Variants in NF1 observed in about 807,000 individuals in gnomAD.
NF1 encodes the protein neurofibromin 1, also known as neurofibromin.
A neutral mutation model predicts 325.7 loss-of-function variants in NF1; 122 were observed. The observed-to-expected ratio is 0.37, with a 90% CI of 0.32 to 0.44. The LOEUF is 0.44. NF1 is among the 20% of genes least tolerant of loss of function. NF1 has a pLI of 1.00. For missense variants in NF1, 2,140 were observed against 3,415.4 expected, an observed-to-expected ratio of 0.63 and a Z score of 9.31; for synonymous variants, 1,091 against 1,186.0, an observed-to-expected ratio of 0.92 and a Z score of 1.65.
At chr17:31,199,835 A>G (rs946723560) in intron 8 of NF1, among the ~76,000 whole-genome samples, 14 of 152,154 alleles carry the variant, frequency 9.2e-5, no homozygotes, top group African/African-American at 3.1e-4. Flanking sequence ...AGATATGGTC[A>G]GCTGAATTCA....
rs1314978150 is a variant in NF1, at chr17:31,214,442, T to C, written c.1393-9T>C. ...TATGTCTGATACCATGTTTTTGTTT[T>C]GTTTTTAGAGTCTTACATTTAAAGA... On this transcript the variant is annotated splice_polypyrimidine_tract_variant and intron_variant, in intron 12 of 57. Transcript: ENST00000358273. 2.5e-6 allele frequency: 4 copies of C among 1,585,234 alleles called. No homozygotes were observed. The highest frequency in any genetic ancestry group is 1.3e-5 in the African/African-American group (1 of 74,454).
At position 31,356,998 on chromosome 17, in the gene NF1, T is replaced by C. The variant is rs1307323812; in HGVS notation, c.7777T>C (p.Leu2593=). The C allele has an allele frequency of 6.2e-7, 1 of 1,613,980 alleles. No homozygotes were observed. Among genetic ancestry groups the C allele is most frequent in the South Asian group, 1.1e-5 (1 of 91,072 alleles). The part of the protein sequence containing the change: ...RISSSQQHPH[L]RKVSVSESNV... ...TTCCTCATCACAACAGCACCCACATTTACGTAAAGTTTCAGTGTCTGAATC... is the reference window on the plus strand; with the variant it reads ...TTCCTCATCACAACAGCACCCACATCTACGTAAAGTTTCAGTGTCTGAATC... The change falls in exon 53 of 58, where the codon TTA becomes CTA. Residue 2593 remains leucine, a synonymous_variant. Transcript: ENST00000358273.
chr17:31,289,818 C>G (rs2151493230), intron 36 of NF1, among the ~76,000 whole-genome samples: 1 of 152,132 alleles, frequency 6.6e-6, no homozygotes, highest in East Asian at 1.9e-4. Context: ...AAATATCTTA[C>G]TTTTTTAAAA....
At position 31,337,598 on chromosome 17, in the gene NF1, T is replaced by A. The variant is rs773123329; in HGVS notation, c.6642+16T>A. 3.9e-5 allele frequency: 62 copies of A among 1,608,904 alleles called. No homozygotes were observed. The highest frequency in any genetic ancestry group is 5.2e-5 in the Non-Finnish European group (61 of 1,176,468). On this transcript the variant is annotated intron_variant, in intron 43 of 57. Transcript: ENST00000358273. ...GATCATGGAGGTATAGAAGCCAAAA[T>A]GATAAGAAACTAAGTTAAAATCTTT...
chr17:31,095,100 C>T lies in NF1; in HGVS notation c.-210C>T, dbSNP rs1403461174. ...GGTCCCCTTCCCCTATCCCCCTCCCCCCAGCCTCCTTGCCAACGCCCCCTT... is the reference window on the plus strand; with the variant it reads ...GGTCCCCTTCCCCTATCCCCCTCCCTCCAGCCTCCTTGCCAACGCCCCCTT... On this transcript the variant is annotated 5_prime_UTR_variant, in exon 1 of 58. Coordinates refer to ENST00000358273, the MANE Select transcript of NF1 (RefSeq NM_001042492.3). The T allele has an allele frequency of 4.2e-6, 2 of 473,448 alleles. No homozygotes were observed. The highest frequency in any genetic ancestry group is 7.5e-6 in the Non-Finnish European group (2 of 268,354). The allele number at this position is 473,448 out of a possible 1,614,324, so 29.3% of individuals were successfully genotyped here.
rs200957802 is a variant in NF1 at position 31,346,158 on chromosome 17, A to G, written c.7190-2962A>G. The stretch of plus-strand genomic sequence containing the variant: ...CGTTTACACACTTTTCTCAAACAAG[A>G]TCACACCTATTCAGTCCAAAGAAGC... On this transcript the variant is annotated intron_variant, in intron 48 of 57. Coordinates refer to ENST00000358273, the MANE Select transcript of NF1 (RefSeq NM_001042492.3). The G allele has an allele frequency of 1.7e-4, 270 of 1,611,520 alleles. No individual in the cohort carries two copies. In the East Asian group the frequency reaches 5.6e-3, roughly 33 times the overall value.
chr17:31,293,178 CAAAAAAAAAAAAAAAAAAA>C (rs71142044), intron 36 of NF1, among the ~76,000 whole-genome samples: 10 of 64,846 alleles, frequency 1.5e-4, no homozygotes, highest in East Asian at 5.0e-4. Flanking sequence ...GACTTCGTCT[CAAAAAAAAAAAAAAAAAAA>C]AAAAAAAAAA....
intron 36 of NF1, among the ~76,000 whole-genome samples, chr17:31,325,600 C>T (rs753107138): frequency 3.9e-5 from 6 of 152,084 alleles, no homozygotes; most frequent in Admixed American, 1.3e-4. Context: ...TTATTGTTGT[C>T]GTGGCTCAAA....
chr17:31,291,096 TG>T (rs1453256976), intron 36 of NF1, among the ~76,000 whole-genome samples: 1 of 152,194 alleles, frequency 6.6e-6, no homozygotes, highest in African/African-American at 2.4e-5. Flanking sequence ...TGTTTCTAAG[TG>T]AACTTAAGGT....
At chr17:31,130,074 G>GTTTTTTTTTTTTTTTTTTTT (rs201697638) in intron 1 of NF1, among the ~76,000 whole-genome samples, 1 of 129,330 alleles carries the variant, frequency 7.7e-6, no homozygotes, top group South Asian at 2.5e-4. Context: ...TGAAGTCGCT[G>GTTTTTTTTTTTTTTTTTTTT]TTTTTTTTTG....
chr17:31,181,772 G>C lies in NF1; in HGVS notation c.717G>C (p.Gln239His), dbSNP rs1597658684. The change falls in exon 7 of 58, where the codon CAG becomes CAC. Residue 239 changes from glutamine to histidine, a missense_variant. This residue lies in a region of NF1 where 246 missense variants were observed against 347.8 expected (regional missense o/e 0.71). Transcript: ENST00000358273. ...DEFTKLYQIP[Q>H]TDMAECAEKL... ...TTACAAAACTGTACCAGATCCCACA[G>C]ACTGATATGGCTGGTAAGGATACGA... The C allele has an allele frequency of 1.2e-6, 2 of 1,603,714 alleles. No individual in the cohort carries two copies. Among genetic ancestry groups the C allele is most frequent in the African/African-American group, 1.3e-5 (1 of 74,680 alleles).
At chr17:31,104,068 T>G (rs1163196821) in intron 1 of NF1, among the ~76,000 whole-genome samples, 1 of 152,062 alleles carries the variant, frequency 6.6e-6, no homozygotes, top group South Asian at 2.1e-4. Flanking sequence ...CGTTTTTTAT[T>G]TGGGTACCGG....
intron 48 of NF1, 105 bp downstream of exon 48, chr17:31,343,240 T>G: frequency 1.7e-6 from 2 of 1,162,276 alleles, no homozygotes; most frequent in Non-Finnish European, 2.5e-6. Context: ...TTAGCCCTTA[T>G]GTCTTACTTT....
intron 12 of NF1, among the ~76,000 whole-genome samples, chr17:31,207,232 C>G (rs1388017536): frequency 6.6e-6 from 1 of 152,068 alleles, no homozygotes; most frequent in East Asian, 1.9e-4. Context: ...CAGAAAAGTC[C>G]TTGGTTTCTT....
At chr17:31,212,756 A>G (rs779828074) in intron 12 of NF1, among the ~76,000 whole-genome samples, 5 of 152,200 alleles carry the variant, frequency 3.3e-5, no homozygotes, top group Non-Finnish European at 7.4e-5. Flanking sequence ...ACAGTTATTT[A>G]TTCTCATCAA....
intron 4 of NF1, among the ~76,000 whole-genome samples, chr17:31,165,071 G>A (rs552274429): frequency 1.3e-5 from 2 of 152,172 alleles, no homozygotes; most frequent in African/African-American, 4.8e-5. Flanking sequence ...GTAGAAAGTG[G>A]TACAAAAAAA....
intron 36 of NF1, among the ~76,000 whole-genome samples, chr17:31,270,524 C>T (rs1220911056): frequency 1.3e-5 from 2 of 152,100 alleles, no homozygotes; most frequent in Non-Finnish European, 2.9e-5. Flanking sequence ...GTGGGAGGAT[C>T]ACTTGATCCT....
chr17:31,096,131 T>TC (rs34969414), intron 1 of NF1, among the ~76,000 whole-genome samples: 3,365 of 140,400 alleles, frequency 0.024, 119 homozygotes, highest in African/African-American at 0.073. Flanking sequence ...TGCAGTCTCT[T>TC]CCCCCCCCCC....
At chr17:31,191,188 A>G (rs1245535863) in intron 8 of NF1, among the ~76,000 whole-genome samples, 1 of 152,226 alleles carries the variant, frequency 6.6e-6, no homozygotes, top group Non-Finnish European at 1.5e-5. Flanking sequence ...ATAGATTTAA[A>G]TATTTATCTC....
Sources: allele counts gnomAD v4.1 joint callset (sites outside exome capture counted in the v4.1 genomes callset), GRCh38; gene constraint gnomAD v4.1.1; regional missense constraint gnomAD v4.1.1; transcripts MANE v1.5; gene names NCBI Gene and HGNC (gene_info 2026-07-23, HGNC 2026-07-21).